Variants in PKHD1 observed in about 807,000 individuals in gnomAD.
PKHD1 encodes fibrocystin.
PKHD1 carries 291 observed loss-of-function variants against 412.0 expected under a neutral mutation model. That is an observed-to-expected ratio of 0.71 (90% confidence interval 0.64 to 0.78). The LOEUF (loss-of-function observed/expected upper bound fraction) is 0.78, where lower values mean the gene tolerates loss of function less well. PKHD1 is among the 30% of genes least tolerant of loss of function. PKHD1 has a pLI of 0.00. For missense variants in PKHD1, 4,825 were observed against 4,950.7 expected (o/e 0.97, Z 0.76); for synonymous variants, 1,777 against 1,821.5 (o/e 0.98, Z 0.62).
At chr6:51,662,214 C>T (rs1186968938) in intron 60 of PKHD1, among the ~76,000 whole-genome samples, 1 of 151,652 alleles carries the variant, frequency 6.6e-6, no homozygotes, top group Non-Finnish European at 1.5e-5. Flanking sequence ...AAGCAATGTC[C>T]TATATGGTAC....
intron 55 of PKHD1, among the ~76,000 whole-genome samples, chr6:51,767,694 G>A (rs905709520): frequency 1.5e-4 from 23 of 151,796 alleles, no homozygotes; most frequent in African/African-American, 5.1e-4. Context: ...TATGTGCCAC[G>A]TTTTCTTAAT....
At chr6:52,074,913 G>C (rs73435736) in intron 6 of PKHD1, among the ~76,000 whole-genome samples, 1 of 152,174 alleles carries the variant, frequency 6.6e-6, no homozygotes, top group South Asian at 2.1e-4. Flanking sequence ...AGGTGGAAGA[G>C]ACACCGAGCA....
chr6:51,632,714 A>G lies in PKHD1; in HGVS notation c.11516T>C (p.Phe3839Ser). Residue 3839 changes from phenylalanine (F) to serine (S), a missense_variant, in exon 65 of 67, where the codon TTT becomes TCT. Coordinates refer to ENST00000371117, the MANE Select transcript of PKHD1 (RefSeq NM_138694.4). Reference sequence around the variant, plus strand: ...AGCAAATGGCTTGGATCGAGCTGTAAAATTGACTCCTGTGGCGGGGAAAAG... The same window carrying G: ...AGCAAATGGCTTGGATCGAGCTGTAGAATTGACTCCTGTGGCGGGGAAAAG... Reference protein sequence around the residue: ...FTVTSPPGVNFTARSKPFAVL... With the variant: ...FTVTSPPGVNSTARSKPFAVL... 1 of 1,613,100 alleles carries G rather than the reference A, an allele frequency of 6.2e-7. No homozygotes were observed. Among genetic ancestry groups the G allele is most frequent in the Non-Finnish European group, 8.5e-7 (1 of 1,179,300 alleles).
chr6:51,741,649 C>T (rs548701491), intron 60 of PKHD1, among the ~76,000 whole-genome samples: 9 of 152,242 alleles, frequency 5.9e-5, no homozygotes, highest in South Asian at 2.1e-4. Context: ...CAGACTTGAG[C>T]GCCAGCTTCC....
At position 51,721,727 on chromosome 6, in the gene PKHD1, C is replaced by T. The variant is rs1781947109; in HGVS notation, c.10156+22658G>A. The T allele has an allele frequency of 1.4e-4, 186 of 1,360,684 alleles. 1 individual carries two copies. In the South Asian group the frequency reaches 3.2e-3, roughly 23 times the overall value. 84.3% of individuals were successfully genotyped at this position (1,360,684 alleles called of 1,614,324 possible). A position where few individuals can be genotyped will look rare whatever the true frequency, so the allele number is the denominator to read the frequency against. On this transcript the variant is annotated intron_variant, in intron 60 of 66. Coordinates refer to ENST00000371117, the MANE Select transcript of PKHD1 (RefSeq NM_138694.4). ...CTACGGACAATGGTGTCACTGTTGA[C>T]ACCCTCTCCACAGTCCCCAAAGTCA... is the stretch of plus-strand genomic sequence containing the variant.
intron 27 of PKHD1, 46 bp downstream of exon 27, chr6:52,042,813 C>A (rs1241525848): frequency 6.4e-7 from 1 of 1,572,914 alleles, no homozygotes; most frequent in South Asian, 1.1e-5. Flanking sequence ...AGCAAGAACA[C>A]TAGCTTCAGA....
At chr6:52,024,344 A>G (rs1193483801) in intron 32 of PKHD1, among the ~76,000 whole-genome samples, 1 of 152,234 alleles carries the variant, frequency 6.6e-6, no homozygotes, top group Non-Finnish European at 1.5e-5. Context: ...TTAAAATACA[A>G]TCAAACATTT....
At chr6:52,036,090 C>A (rs1803907699) in intron 27 of PKHD1, among the ~76,000 whole-genome samples, 1 of 152,194 alleles carries the variant, frequency 6.6e-6, no homozygotes, top group African/African-American at 2.4e-5. Flanking sequence ...CCAAGTGCAA[C>A]AGAGCATCAT....
chr6:51,789,261 A>G (rs984657912), intron 53 of PKHD1, among the ~76,000 whole-genome samples: 1 of 152,194 alleles, frequency 6.6e-6, no homozygotes, highest in Admixed American at 6.6e-5. Context: ...TAGGCCCATT[A>G]ATTTCATTTT....
At chr6:51,642,403 T>C (rs925521052) in intron 63 of PKHD1, among the ~76,000 whole-genome samples, 4 of 152,076 alleles carry the variant, frequency 2.6e-5, no homozygotes, top group African/African-American at 9.7e-5. Context: ...GTATGGAATA[T>C]GAGTAAGGTA....
At chr6:51,878,535 C>T (rs373994733) in intron 46 of PKHD1, among the ~76,000 whole-genome samples, 2 of 63,318 alleles carry the variant, frequency 3.2e-5, no homozygotes, top group Non-Finnish European at 5.6e-5. Flanking sequence ...TCTCAATAGA[C>T]GCAGAAAAAG....
At chr6:51,956,084 G>A (rs1399895109) in intron 36 of PKHD1, among the ~76,000 whole-genome samples, 2 of 151,952 alleles carry the variant, frequency 1.3e-5, no homozygotes, top group African/African-American at 4.8e-5. Flanking sequence ...TTACAGCTAT[G>A]TTACATTGAT....
At chr6:51,801,654 T>TGTGTGTGTGTGTGTGTGAGA (rs751203950) in intron 52 of PKHD1, among the ~76,000 whole-genome samples, 16 of 114,208 alleles carry the variant, frequency 1.4e-4, no homozygotes, top group Non-Finnish European at 2.7e-4. Flanking sequence ...TGTGTGTGTG[T>TGTGTGTGTGTGTGTGTGAGA]GAGAGAGAGA....
chr6:51,950,658 A>G (rs1417839940), intron 36 of PKHD1, among the ~76,000 whole-genome samples: 1 of 152,126 alleles, frequency 6.6e-6, no homozygotes, highest in African/African-American at 2.4e-5. Context: ...ACTGGGGGCT[A>G]CACTTTGAGA....
intron 60 of PKHD1, among the ~76,000 whole-genome samples, chr6:51,730,437 C>T (rs764908646): frequency 1.3e-5 from 2 of 152,216 alleles, no homozygotes; most frequent in East Asian, 1.9e-4. Flanking sequence ...AATGGCTCAA[C>T]GTTGCTATTT....
intron 54 of PKHD1, among the ~76,000 whole-genome samples, 186 bp downstream of exon 54, chr6:51,775,622 T>A (rs1414528555): frequency 2.6e-5 from 4 of 151,876 alleles, no homozygotes; most frequent in Non-Finnish European, 5.9e-5. Context: ...TGAGTCTTAG[T>A]TTTGACATCT....
At chr6:51,901,894 G>C (rs1328836197) in intron 43 of PKHD1, among the ~76,000 whole-genome samples, 1 of 152,148 alleles carries the variant, frequency 6.6e-6, no homozygotes, top group African/African-American at 2.4e-5. Flanking sequence ...CAAGCAGCTA[G>C]TTGCAGACTC....
chr6:51,645,543 C>T lies in PKHD1; in HGVS notation c.11398+2488G>A, dbSNP rs140401322. On this transcript the variant is annotated intron_variant, in intron 63 of 66. Coordinates refer to ENST00000371117, the MANE Select transcript of PKHD1 (RefSeq NM_138694.4). Reference sequence around the variant, plus strand: ...AAGTAGCTGGGATTACAGGCGCATGCCCACCATGCCCGGCTAATTTTTGCA... The same window carrying T: ...AAGTAGCTGGGATTACAGGCGCATGTCCACCATGCCCGGCTAATTTTTGCA... Among the ~76,000 whole-genome samples the T allele has an allele frequency of 1.8e-3, 276 of 152,174 alleles. 1 individual carries two copies. The highest frequency in any genetic ancestry group is 6.3e-3 in the African/African-American group (263 of 41,528).
intron 50 of PKHD1, among the ~76,000 whole-genome samples, chr6:51,839,826 C>G (rs1338035910): frequency 6.6e-6 from 1 of 151,788 alleles, no homozygotes; most frequent in Non-Finnish European, 1.5e-5. Context: ...ATTAGGACCT[C>G]TCACTCAGGC....
Sources: allele counts gnomAD v4.1 joint callset (sites outside exome capture counted in the v4.1 genomes callset), GRCh38; gene constraint gnomAD v4.1.1; transcripts MANE v1.5; gene names NCBI Gene and HGNC (gene_info 2026-07-23, HGNC 2026-07-21).